Variants in LRFN2 observed in about 807,000 individuals in gnomAD.
LRFN2 encodes leucine-rich repeat and fibronectin type-III domain-containing protein 2.
In LRFN2, 18 loss-of-function variants were observed where a neutral mutation model predicts 37.3. The ratio of observed to expected loss-of-function variants is 0.48; its 90% confidence interval spans 0.33 to 0.72. LRFN2 has a LOEUF of 0.72. Ranked by LOEUF, LRFN2 falls within the 30% of genes least tolerant of loss-of-function variation. The pLI, the probability that LRFN2 is intolerant of heterozygous loss-of-function variation, is 0.02. For missense variants in LRFN2, 1,006 were observed against 1,060.7 expected, an observed-to-expected ratio of 0.95 and a Z score of 0.72; for synonymous variants, 556 against 466.6, an observed-to-expected ratio of 1.19 and a Z score of -2.47.
At chr6:40,579,675 G>C (rs963578932) in intron 1 of LRFN2, among the ~76,000 whole-genome samples, 3 of 151,890 alleles carry the variant, frequency 2.0e-5, no homozygotes, top group Non-Finnish European at 4.4e-5. Flanking sequence ...AAATCAGCCA[G>C]AACTTGGAAC....
At chr6:40,580,662 T>A (rs1767381076) in intron 1 of LRFN2, among the ~76,000 whole-genome samples, 1 of 152,172 alleles carries the variant, frequency 6.6e-6, no homozygotes, top group Admixed American at 6.5e-5. Context: ...CAGAAGGCCA[T>A]GTATTGACAT....
intron 1 of LRFN2, among the ~76,000 whole-genome samples, chr6:40,544,300 C>T (rs887009971): frequency 3.9e-5 from 6 of 152,300 alleles, no homozygotes; most frequent in Admixed American, 1.3e-4. Flanking sequence ...TCCCACCTGA[C>T]GCTAAGTTAT....
intron 1 of LRFN2, among the ~76,000 whole-genome samples, chr6:40,478,166 C>T (rs1581736414): frequency 1.3e-5 from 2 of 152,266 alleles, no homozygotes; most frequent in South Asian, 2.1e-4. Context: ...GGCTGTGTGC[C>T]CTGCTGCCCT....
intron 1 of LRFN2, among the ~76,000 whole-genome samples, chr6:40,531,602 C>A (rs1053128953): frequency 1.3e-5 from 2 of 151,936 alleles, no homozygotes; most frequent in African/African-American, 4.8e-5. Flanking sequence ...TGATTCGTTG[C>A]CCCCTCCCTC....
Position 40,392,615 on chromosome 6 carries a change from G to A in LRFN2, c.1698C>T (p.Ser566=), listed in dbSNP as rs747030516. 1 of 1,610,574 alleles carries A rather than the reference G, an allele frequency of 6.2e-7. No individual in the cohort carries two copies. Among genetic ancestry groups the A allele is most frequent in the Non-Finnish European group, 8.5e-7 (1 of 1,179,966 alleles). The change falls in exon 3 of 3, where the codon AGC becomes AGT. Residue 566 remains serine (S), a synonymous_variant. Transcript: ENST00000338305. The surrounding 1 kb of genome is among the most constrained non-coding windows in gnomAD (Gnocchi z 4.7). The part of the protein sequence containing the change: ...RYKVCNHEAP[S]KMAAAVSNVY... ...CATTGCTCACGGCCGCTGCCATCTT[G>A]CTGGGGGCCTCGTGGTTGCAGACCT...
rs950647167 is a variant in LRFN2 at position 40,513,343 on chromosome 6, C to T, written c.-19+73598G>A. ...CTGCCTCCCGGATTCAAGCAACTCT[C>T]CTGCCTCAGCCTCCCAAGTAGCTGG... On this transcript the variant is annotated intron_variant, in intron 1 of 2. Transcript: ENST00000338305. Among the ~76,000 whole-genome samples the T allele has an allele frequency of 7.2e-5, 11 of 152,152 alleles. 1 individual carries two copies. Among genetic ancestry groups the T allele is most frequent in the Admixed American group, 3.9e-4 (6 of 15,298 alleles).
At chr6:40,507,766 A>G (rs181643611) in intron 1 of LRFN2, among the ~76,000 whole-genome samples, 1 of 152,300 alleles carries the variant, frequency 6.6e-6, no homozygotes, top group South Asian at 2.1e-4. Context: ...CCTCTTGTAG[A>G]TTTGAAACGA....
chr6:40,442,234 G>A (rs929153866), intron 1 of LRFN2, among the ~76,000 whole-genome samples: 1 of 152,202 alleles, frequency 6.6e-6, no homozygotes, highest in African/African-American at 2.4e-5. Flanking sequence ...ACGCAAAGTG[G>A]CAGATAATCC....
chr6:40,473,875 T>C (rs1371361527), intron 1 of LRFN2, among the ~76,000 whole-genome samples: 1 of 152,062 alleles, frequency 6.6e-6, no homozygotes, highest in African/African-American at 2.4e-5. Context: ...AGTAGTTACA[T>C]CACCTACCCA....
At chr6:40,531,984 T>C (rs950154462) in intron 1 of LRFN2, among the ~76,000 whole-genome samples, 2 of 152,220 alleles carry the variant, frequency 1.3e-5, no homozygotes, top group Admixed American at 6.5e-5. Flanking sequence ...CGAGTCTCCA[T>C]GCAGGAATTC....
intron 1 of LRFN2, among the ~76,000 whole-genome samples, chr6:40,444,676 C>T (rs888276249): frequency 6.6e-5 from 10 of 152,256 alleles, no homozygotes; most frequent in African/African-American, 2.4e-4. Flanking sequence ...GTGCCTCAGA[C>T]TCCTCATCTG....
intron 1 of LRFN2, among the ~76,000 whole-genome samples, chr6:40,584,963 T>A (rs1277642409): frequency 6.6e-6 from 1 of 152,004 alleles, no homozygotes; most frequent in African/African-American, 2.4e-5. Context: ...CTATCTTGCT[T>A]CTCCTCCTCA....
At chr6:40,409,399 C>G (rs992228550) in intron 2 of LRFN2, among the ~76,000 whole-genome samples, 1 of 152,188 alleles carries the variant, frequency 6.6e-6, no homozygotes, top group Non-Finnish European at 1.5e-5. Flanking sequence ...GGGTTCGTAA[C>G]AGCAATCATA....
intron 1 of LRFN2, among the ~76,000 whole-genome samples, chr6:40,499,388 ATT>A (rs34232819): frequency 6.8e-6 from 1 of 147,482 alleles, no homozygotes; most frequent in Non-Finnish European, 1.5e-5. Flanking sequence ...CCTTCCAGAC[ATT>A]TTTTTTTTTA....
At chr6:40,407,076 C>T (rs1221257464) in intron 2 of LRFN2, among the ~76,000 whole-genome samples, 4 of 152,196 alleles carry the variant, frequency 2.6e-5, no homozygotes, top group African/African-American at 7.2e-5. Context: ...CCTGTGCTTT[C>T]CCAGGACTGC....
intron 1 of LRFN2, among the ~76,000 whole-genome samples, chr6:40,585,567 C>T (rs1193996713): frequency 6.6e-6 from 1 of 152,180 alleles, no homozygotes; most frequent in African/African-American, 2.4e-5. Flanking sequence ...GGGCAGCGAC[C>T]AGACCAGGGC....
At chr6:40,562,886 G>A (rs1164180200) in intron 1 of LRFN2, among the ~76,000 whole-genome samples, 1 of 147,140 alleles carries the variant, frequency 6.8e-6, no homozygotes, top group African/African-American at 2.5e-5. Flanking sequence ...TATCCCCAAG[G>A]GGCCAGATTT....
chr6:40,454,125 T>A (rs1443866360), intron 1 of LRFN2, among the ~76,000 whole-genome samples: 1 of 152,202 alleles, frequency 6.6e-6, no homozygotes, highest in African/African-American at 2.4e-5. Flanking sequence ...ATCTTATGGA[T>A]AATTAAGGAA....
chr6:40,554,976 A>G lies in LRFN2; in HGVS notation c.-19+31965T>C, dbSNP rs538820380. Among the ~76,000 whole-genome samples the G allele has an allele frequency of 9.2e-5, 14 of 152,364 alleles. No homozygotes were observed. In the South Asian group the frequency reaches 2.5e-3, roughly 27 times the overall value. The stretch of plus-strand genomic sequence containing the variant: ...ATAATTAGTTATAATTATTTAAGAA[A>G]AGACCTTTTCCATGCATGCTGGTGG... On this transcript the variant is annotated intron_variant, in intron 1 of 2. Transcript: ENST00000338305.
Sources: allele counts gnomAD v4.1 joint callset (sites outside exome capture counted in the v4.1 genomes callset), GRCh38; gene constraint gnomAD v4.1.1; non-coding constraint Gnocchi (gnomAD v3.1); transcripts MANE v1.5; gene names NCBI Gene and HGNC (gene_info 2026-07-23, HGNC 2026-07-21).